Variants in PTPRD observed in about 807,000 individuals in gnomAD.
PTPRD encodes protein tyrosine phosphatase receptor type D.
A neutral mutation model predicts 214.5 loss-of-function variants in PTPRD; 34 were observed. That is an observed-to-expected ratio of 0.16 (90% CI 0.12 to 0.21). The LOEUF (loss-of-function observed/expected upper bound fraction) is 0.21. Ranked by LOEUF, PTPRD falls within the 10% of genes least tolerant of loss-of-function variation. The pLI is 1.00. For missense variants in PTPRD, 2,545 were observed against 2,398.7 expected, an observed-to-expected ratio of 1.06 and a Z score of -1.27; for synonymous variants, 1,128 against 845.7, an observed-to-expected ratio of 1.33 and a Z score of -5.79.
chr9:9,232,216 G>A (rs1386401447), intron 9 of PTPRD, among the ~76,000 whole-genome samples: 1 of 152,120 alleles, frequency 6.6e-6, no homozygotes, highest in African/African-American at 2.4e-5. Context: ...CTACTGAAAG[G>A]AGGTTTAGAA....
At chr9:10,521,128 C>T (rs2134189201) in intron 2 of PTPRD, among the ~76,000 whole-genome samples, 1 of 152,066 alleles carries the variant, frequency 6.6e-6, no homozygotes, top group East Asian at 1.9e-4. Flanking sequence ...AAGGATTCAC[C>T]ATTCTAGATG....
intron 5 of PTPRD, among the ~76,000 whole-genome samples, chr9:9,833,848 C>A (rs1429981987): frequency 6.6e-6 from 1 of 152,064 alleles, no homozygotes; most frequent in Non-Finnish European, 1.5e-5. Flanking sequence ...AAGGTTATGT[C>A]TCTTATTCCC....
chr9:10,465,774 G>A (rs553039018), intron 2 of PTPRD, among the ~76,000 whole-genome samples: 2 of 152,154 alleles, frequency 1.3e-5, no homozygotes, highest in Non-Finnish European at 1.5e-5. Flanking sequence ...GTAGGTTTGT[G>A]TAAGCACATT....
At chr9:9,426,026 G>C (rs921026205) in intron 8 of PTPRD, among the ~76,000 whole-genome samples, 4 of 152,092 alleles carry the variant, frequency 2.6e-5, no homozygotes, top group South Asian at 2.1e-4. Flanking sequence ...TGAGGTACCA[G>C]GTTCGTCTCA....
intron 9 of PTPRD, among the ~76,000 whole-genome samples, chr9:9,299,800 G>A (rs952942181): frequency 2.6e-5 from 4 of 151,012 alleles, no homozygotes; most frequent in African/African-American, 9.7e-5. Flanking sequence ...GTGGGATGAG[G>A]GAAAAGACAC....
intron 11 of PTPRD, among the ~76,000 whole-genome samples, chr9:9,014,710 C>T (rs929073062): frequency 1.3e-5 from 2 of 152,066 alleles, no homozygotes; most frequent in Non-Finnish European, 2.9e-5. Flanking sequence ...TGTGTATGAA[C>T]ATGATGAAAT....
intron 3 of PTPRD, among the ~76,000 whole-genome samples, chr9:10,273,776 A>G (rs925712080): frequency 6.6e-6 from 1 of 152,032 alleles, no homozygotes; most frequent in East Asian, 1.9e-4. Flanking sequence ...AGTGTAGACT[A>G]TGGTTATCAG....
intron 12 of PTPRD, among the ~76,000 whole-genome samples, chr9:8,647,259 G>A (rs192464776): frequency 6.6e-6 from 1 of 152,204 alleles, no homozygotes; most frequent in Admixed American, 6.5e-5. Flanking sequence ...TAATTTTTAA[G>A]TAAAATGACT....
At chr9:9,407,606 A>AT (rs2073964675) in intron 8 of PTPRD, among the ~76,000 whole-genome samples, 1 of 151,796 alleles carries the variant, frequency 6.6e-6, no homozygotes, top group Non-Finnish European at 1.5e-5. Flanking sequence ...GATTTAGAAT[A>AT]TAGAGTCAAA....
chr9:9,465,815 G>C (rs959277820), intron 8 of PTPRD, among the ~76,000 whole-genome samples: 5 of 152,004 alleles, frequency 3.3e-5, no homozygotes, highest in Admixed American at 3.3e-4. Flanking sequence ...TGCTTCCATG[G>C]AAATCAAGAC....
chr9:10,577,100 T>A (rs540064300), intron 2 of PTPRD, among the ~76,000 whole-genome samples: 132 of 94,734 alleles, frequency 1.4e-3, no homozygotes, highest in South Asian at 7.3e-3. Flanking sequence ...AAGCTGTAAT[T>A]TTTTTTTTAA....
At chr9:9,470,733 G>A (rs749425559) in intron 8 of PTPRD, among the ~76,000 whole-genome samples, 3 of 152,102 alleles carry the variant, frequency 2.0e-5, no homozygotes, top group Non-Finnish European at 4.4e-5. Context: ...GGTATTCAGG[G>A]GATAGGAATT....
At chr9:9,628,199 G>T (rs77991484) in intron 7 of PTPRD, among the ~76,000 whole-genome samples, 1 of 152,016 alleles carries the variant, frequency 6.6e-6, no homozygotes, top group African/African-American at 2.4e-5. Context: ...CCTTCCTGTG[G>T]CCCCAGTTTG....
intron 2 of PTPRD, among the ~76,000 whole-genome samples, chr9:10,463,388 G>C (rs116311759): frequency 0.024 from 3,598 of 152,100 alleles, 150 homozygotes; most frequent in African/African-American, 0.082. Flanking sequence ...AGAGACAGAG[G>C]ATGAAAAAGG....
At position 9,356,595 on chromosome 9, in the gene PTPRD, T is replaced by A. The variant is rs555392479; in HGVS notation, c.-203+40854A>T. Among the ~76,000 whole-genome samples the A allele has an allele frequency of 1.6e-4, 24 of 151,558 alleles. No homozygotes were observed. The South Asian group carries it at 5.0e-3, about 31-fold the overall frequency. ...TCAATCACGTTTGAAGAAAGAATTG[T>A]GTTGGAAAAAGTAGTGATGGGGAGA... On this transcript the variant is annotated intron_variant, in intron 9 of 45. Coordinates refer to ENST00000381196, the MANE Select transcript of PTPRD (RefSeq NM_002839.4).
Position 8,848,808 on chromosome 9 carries a change from A to C in PTPRD, c.-103-114862T>G, listed in dbSNP as rs183839616. Among the ~76,000 whole-genome samples the C allele has an allele frequency of 4.2e-3, 534 of 125,894 alleles. 49 individuals are homozygous for C. The highest frequency in any genetic ancestry group is 0.018 in the South Asian group (74 of 4,096). The allele number at this position is 125,894 out of a possible 152,430, so 82.6% of individuals were successfully genotyped here. ...CATCTTTATTACTTTTATCTATGCAACCTTGGGCAAATTACTTAATCTCTC... is the reference window on the plus strand; with the variant it reads ...CATCTTTATTACTTTTATCTATGCACCCTTGGGCAAATTACTTAATCTCTC... On this transcript the variant is annotated intron_variant, in intron 11 of 45. Transcript: ENST00000381196.
At chr9:9,925,161 A>G (rs1454273442) in intron 5 of PTPRD, among the ~76,000 whole-genome samples, 2 of 152,048 alleles carry the variant, frequency 1.3e-5, no homozygotes, top group Non-Finnish European at 2.9e-5. Context: ...CAAATCTACA[A>G]TTTGCTCACA....
At chr9:9,868,243 C>T (rs998010792) in intron 5 of PTPRD, among the ~76,000 whole-genome samples, 3 of 152,036 alleles carry the variant, frequency 2.0e-5, no homozygotes, top group East Asian at 1.9e-4. Context: ...CAAAACAAAC[C>T]TCTAATGTGA....
chr9:10,115,893 T>C (rs144952697), intron 3 of PTPRD, among the ~76,000 whole-genome samples: 32 of 152,144 alleles, frequency 2.1e-4, no homozygotes, highest in South Asian at 8.3e-4. Context: ...CATTCCTAAG[T>C]AAAAACAAAA....
Sources: gnomAD v4.1 joint callset for allele counts (sites outside exome capture counted in the v4.1 genomes callset) on GRCh38, gnomAD v4.1.1 for gene constraint, MANE v1.5 for transcripts, NCBI Gene and HGNC (gene_info 2026-07-23, HGNC 2026-07-21) for gene names.